The following POGZ variants were observed in gnomAD, a reference collection of about 807,000 sequenced individuals.
POGZ encodes the protein pogo transposable element with ZNF domain.
A neutral mutation model predicts 134.6 loss-of-function variants in POGZ; 17 were observed. The observed-to-expected ratio is 0.13, with a 90% CI of 0.09 to 0.19. The LOEUF is 0.19. POGZ is among the 10% of genes least tolerant of loss of function. POGZ has a pLI of 1.00. For missense variants in POGZ, 1,306 were observed against 1,769.7 expected, an observed-to-expected ratio of 0.74 and a Z score of 4.70; for synonymous variants, 693 against 657.1, an observed-to-expected ratio of 1.05 and a Z score of -0.84.
At chr1:151,436,712 CA>C (rs1557927927) in intron 3 of POGZ, among the ~76,000 whole-genome samples, 1 of 152,154 alleles carries the variant, frequency 6.6e-6, no homozygotes, top group Non-Finnish European at 1.5e-5. Flanking sequence ...AATAATATTC[CA>C]TTGTGTACAT....
Position 151,428,339 on chromosome 1 carries a change from C to G in POGZ, c.643G>C (p.Gly215Arg), listed in dbSNP as rs1658118101. The change falls in exon 6 of 19, where the codon GGC (glycine) becomes CGC (arginine). Residue 215 changes from glycine (G) to arginine (R), a missense_variant. Physicochemically the swap from Gly to Arg is moderately radical, Grantham distance 125 (BLOSUM62 -2). Coordinates refer to ENST00000271715, the MANE Select transcript of POGZ (RefSeq NM_015100.4). Reference protein sequence around the residue: ...VFSQMTPVRPGSTMPVRPTTN... With the variant: ...VFSQMTPVRPRSTMPVRPTTN... ...GTGGGCCTCACAGGCATTGTGGAGC[C>G]TGGCCTCACAGGGGTCATCTGGGAG... 6.2e-7 allele frequency: 1 copy of G among 1,614,094 alleles called. No individual in the cohort carries two copies. The highest frequency in any genetic ancestry group is 1.7e-5 in the Admixed American group (1 of 60,016).
rs751564652 is a variant in POGZ, at chr1:151,456,061, G to A, written c.-2+3091C>T. ...CTAGGCCAAATAGTAGTTTCTTAAA[G>A]GACAGTTAACATTTTGGAATCTGAA... is the stretch of plus-strand genomic sequence containing the variant. On this transcript the variant is annotated intron_variant, in intron 1 of 18. Transcript: ENST00000271715. 1.1e-4 allele frequency among the ~76,000 whole-genome samples: 17 copies of A among 151,972 alleles called. 1 individual carries two copies. The highest frequency in any genetic ancestry group is 4.1e-4 in the South Asian group (2 of 4,828).
In POGZ at chr1:151,417,348, C is replaced by G. The variant is rs76698729; in HGVS notation, c.1679-4952G>C. 9.9e-3 allele frequency among the ~76,000 whole-genome samples: 1,490 copies of G among 150,926 alleles called. 29 individuals carry two copies. Among genetic ancestry groups the G allele is most frequent in the African/African-American group, 0.035 (1,433 of 41,112 alleles). On this transcript the variant is annotated intron_variant, in intron 10 of 18. Coordinates refer to ENST00000271715, the MANE Select transcript of POGZ (RefSeq NM_015100.4). ...AAGTGCTGGGATTACATGCATGAGG[C>G]TCCGCGCCCGGCCCTCTTTTTTTTT...
intron 1 of POGZ, chr1:151,442,438 G>A: frequency 2.9e-6 from 1 of 340,380 alleles, no homozygotes; most frequent in Non-Finnish European, 5.3e-6. Flanking sequence ...GGCCGGGCAT[G>A]GTGGCTCCCA....
chr1:151,431,836 C>T (rs544778690), intron 3 of POGZ, among the ~76,000 whole-genome samples: 2 of 152,092 alleles, frequency 1.3e-5, no homozygotes, highest in East Asian at 3.9e-4. Context: ...ATACTCAAAA[C>T]CAGATAGAAA....
At chr1:151,416,438 G>A (rs902030630) in intron 10 of POGZ, among the ~76,000 whole-genome samples, 3 of 151,872 alleles carry the variant, frequency 2.0e-5, no homozygotes, top group Non-Finnish European at 4.4e-5. Flanking sequence ...GGAGGCTTAA[G>A]TTGCACTGAG....
chr1:151,435,279 C>A (rs1022450024), intron 3 of POGZ, among the ~76,000 whole-genome samples: 6 of 152,138 alleles, frequency 3.9e-5, no homozygotes, highest in African/African-American at 7.2e-5. Flanking sequence ...AACTGAAAAC[C>A]ATAATTAGTT....
intron 3 of POGZ, among the ~76,000 whole-genome samples, chr1:151,435,958 C>CTTTT (rs58367755): frequency 1.5e-5 from 2 of 134,820 alleles, no homozygotes; most frequent in African/African-American, 2.7e-5. Context: ...ATTTTCTTTT[C>CTTTT]TTTTTTTTTT....
chr1:151,450,205 T>C (rs947745058), intron 1 of POGZ, among the ~76,000 whole-genome samples: 1 of 151,720 alleles, frequency 6.6e-6, no homozygotes, highest in African/African-American at 2.4e-5. Flanking sequence ...CTAGTTTTTG[T>C]ATTTTTAGTA....
At chr1:151,443,465 C>T (rs556906521) in intron 1 of POGZ, among the ~76,000 whole-genome samples, 2 of 152,224 alleles carry the variant, frequency 1.3e-5, no homozygotes, top group African/African-American at 2.4e-5. Context: ...TTTGGGAGGC[C>T]GAGGTGGGCG....
In POGZ at chr1:151,406,913, C is replaced by G. The variant is rs762138684; in HGVS notation, c.2543G>C (p.Arg848Pro). ...TAATCCCCTTCTCTCCTACTTACCC[C>G]GTGGCAGGATGCTGCTGGATCTGTG... ...PSHRSSSILP[R>P]GLTWIAHSRH... The change falls in exon 17 of 19, where the codon CGG (arginine) becomes CCG (proline). Residue 848 changes from arginine to proline, a missense_variant and splice_region_variant. Arg to Pro is a moderately radical substitution (Grantham distance 103, BLOSUM62 -2). Around this residue, in one of 10 missense-constraint regions of POGZ, gnomAD observed 214 missense variants for 255.5 expected, o/e 0.84. Transcript: ENST00000271715. 1.9e-6 allele frequency: 3 copies of G among 1,609,674 alleles called. No individual in the cohort carries two copies. The African/African-American group carries it at 4.0e-5, about 22-fold the overall frequency.
intron 10 of POGZ, among the ~76,000 whole-genome samples, chr1:151,417,891 G>C (rs551456183): frequency 2.6e-5 from 4 of 152,098 alleles, no homozygotes; most frequent in Non-Finnish European, 5.9e-5. Flanking sequence ...GCACTCCCAT[G>C]TTTATTGCTG....
At chr1:151,438,688 G>A (rs1422699730) in intron 3 of POGZ, among the ~76,000 whole-genome samples, 1 of 152,018 alleles carries the variant, frequency 6.6e-6, no homozygotes, top group East Asian at 1.9e-4. Context: ...GACCAGCCTG[G>A]GCAACATGGT....
At chr1:151,441,767 T>A (rs1660569424) in intron 2 of POGZ, among the ~76,000 whole-genome samples, 1 of 152,330 alleles carries the variant, frequency 6.6e-6, no homozygotes, top group Non-Finnish European at 1.5e-5. Context: ...AAATGAGCAC[T>A]GACACACACA....
intron 1 of POGZ, among the ~76,000 whole-genome samples, chr1:151,442,819 A>C (rs1302914747): frequency 6.6e-6 from 1 of 151,800 alleles, no homozygotes; most frequent in Non-Finnish European, 1.5e-5. Flanking sequence ...TCACGAGGTC[A>C]CGAGTTCAAG....
intron 10 of POGZ, among the ~76,000 whole-genome samples, chr1:151,419,274 A>G (rs1183896349): frequency 6.6e-6 from 1 of 151,968 alleles, no homozygotes; most frequent in Non-Finnish European, 1.5e-5. Flanking sequence ...AGGCACAATA[A>G]TTGCTTGAAC....
rs80059951 is a variant in POGZ at position 151,424,463 on chromosome 1, T to C, written c.1186-177A>G. 1.8e-3 allele frequency: 931 copies of C among 520,572 alleles called. 7 individuals are homozygous for C. The highest frequency in any genetic ancestry group is 0.014 in the African/African-American group (705 of 51,952). 32.2% of individuals were successfully genotyped at this position (520,572 alleles called of 1,614,324 possible). On this transcript the variant is annotated intron_variant, in intron 8 of 18. Coordinates refer to ENST00000271715, the MANE Select transcript of POGZ (RefSeq NM_015100.4). ...ACTCCTTTTCTAGAGTATATCCACA[T>C]ATGCCACCCAAGCGCTATACTTTGT...
rs1264526418 is a variant in POGZ, at chr1:151,403,783, C to CG, written c.*1018_*1019insC. 4.1e-6 allele frequency: 4 copies of CG among 985,464 alleles called. No homozygotes were observed. In the African/African-American group the frequency reaches 7.0e-5, roughly 17 times the overall value. The allele number at this position is 985,464 out of a possible 1,614,324, so 61.0% of individuals were successfully genotyped here. A position where few individuals can be genotyped will look rare whatever the true frequency, so the allele number is the denominator to read the frequency against. The stretch of plus-strand genomic sequence containing the variant: ...TCAACACTTCTTGAACAATTAGCTC[C>CG]TGGCTGTAGGACCAGTAATCCCTTA... On this transcript the variant is annotated 3_prime_UTR_variant, in exon 19 of 19. Transcript: ENST00000271715.
intron 1 of POGZ, among the ~76,000 whole-genome samples, chr1:151,454,427 C>A (rs1482765703): frequency 6.6e-6 from 1 of 152,140 alleles, no homozygotes; most frequent in East Asian, 1.9e-4. Flanking sequence ...TTTTGCACAG[C>A]CCATTTTGTC....
Sources: allele counts gnomAD v4.1 joint callset (sites outside exome capture counted in the v4.1 genomes callset), GRCh38; gene constraint gnomAD v4.1.1; regional missense constraint gnomAD v4.1.1; transcripts MANE v1.5; gene names NCBI Gene and HGNC (gene_info 2026-07-23, HGNC 2026-07-21).